Variants in GRIN3A observed in about 807,000 individuals in gnomAD.
The protein encoded by GRIN3A is glutamate ionotropic receptor NMDA type subunit 3A.
A neutral mutation model predicts 92.4 loss-of-function variants in GRIN3A; 47 were observed. That is an observed-to-expected ratio of 0.51 (90% confidence interval 0.40 to 0.65). GRIN3A has a LOEUF of 0.65. GRIN3A is among the 30% of genes least tolerant of loss of function. The probability of loss-of-function intolerance (pLI) is 0.00; values close to 1 mark genes in which losing one functional copy is unlikely to be tolerated. For missense variants in GRIN3A, 1,324 were observed against 1,393.1 expected (o/e 0.95, Z 0.79); for synonymous variants, 527 against 540.6 (o/e 0.97, Z 0.35).
chr9:101,581,435 GGGT>G (rs1827885543), intron 6 of GRIN3A, among the ~76,000 whole-genome samples: 1 of 152,116 alleles, frequency 6.6e-6, no homozygotes, highest in Non-Finnish European at 1.5e-5. Flanking sequence ...TAAACTCCAA[GGGT>G]TGGTATTAAG....
At chr9:101,705,893 A>C (rs992113418) in intron 1 of GRIN3A, among the ~76,000 whole-genome samples, 6 of 152,212 alleles carry the variant, frequency 3.9e-5, no homozygotes, top group Non-Finnish European at 8.8e-5. Flanking sequence ...AGAGGAAGAA[A>C]CTAAAACCAC....
intron 1 of GRIN3A, among the ~76,000 whole-genome samples, chr9:101,712,129 C>G (rs886344119): frequency 1.3e-5 from 2 of 152,140 alleles, no homozygotes; most frequent in Non-Finnish European, 2.9e-5. Context: ...AATTTAAATT[C>G]ACGATATCAT....
intron 2 of GRIN3A, among the ~76,000 whole-genome samples, chr9:101,672,829 A>G (rs1829346655): frequency 6.6e-6 from 1 of 152,146 alleles, no homozygotes; most frequent in Non-Finnish European, 1.5e-5. Context: ...CTATTTTGCA[A>G]CAAGTAATGA....
intron 1 of GRIN3A, among the ~76,000 whole-genome samples, chr9:101,735,630 C>T (rs1830192863): frequency 6.6e-6 from 1 of 151,878 alleles, no homozygotes; most frequent in Non-Finnish European, 1.5e-5. Context: ...CTATTGGCCA[C>T]TTACGAAGTA....
chr9:101,643,696 C>CACAG (rs1554719555), intron 3 of GRIN3A, among the ~76,000 whole-genome samples: 44 of 151,282 alleles, frequency 2.9e-4, no homozygotes, highest in African/African-American at 9.9e-4. Context: ...CACACACACA[C>CACAG]CCACACGAAT....
intron 1 of GRIN3A, among the ~76,000 whole-genome samples, chr9:101,699,300 G>A (rs1333370471): frequency 1.3e-5 from 2 of 152,078 alleles, no homozygotes; most frequent in African/African-American, 2.4e-5. Flanking sequence ...GCATGGGGCT[G>A]TCATTGCCCA....
chr9:101,695,729 G>T lies in GRIN3A; in HGVS notation c.700-8529C>A, dbSNP rs10119079. ...CATTAGCAAACTTCTTTGTGCTGAC[G>T]TAATTGATCCTTTCCCAATGACTCG... On this transcript the variant is annotated intron_variant, in intron 1 of 8. Transcript: ENST00000361820. Among the ~76,000 whole-genome samples, 1,355 of 152,132 alleles carry T rather than the reference G, an allele frequency of 8.9e-3. 22 individuals carry two copies. Among genetic ancestry groups the T allele is most frequent in the African/African-American group, 0.031 (1,289 of 41,502 alleles).
chr9:101,658,548 G>A (rs1829121555), intron 3 of GRIN3A, among the ~76,000 whole-genome samples: 2 of 151,570 alleles, frequency 1.3e-5, no homozygotes, highest in East Asian at 1.9e-4. Flanking sequence ...ATAATTTAAG[G>A]AAACATTGAT....
At chr9:101,656,801 A>G (rs1789565499) in intron 3 of GRIN3A, among the ~76,000 whole-genome samples, 1 of 151,906 alleles carries the variant, frequency 6.6e-6, no homozygotes, top group African/African-American at 2.4e-5. Context: ...AGACAAGGAA[A>G]AAGTCAGTGC....
intron 6 of GRIN3A, among the ~76,000 whole-genome samples, chr9:101,580,304 T>A (rs1588234929): frequency 6.6e-6 from 1 of 152,166 alleles, no homozygotes; most frequent in Non-Finnish European, 1.5e-5. Flanking sequence ...CCTGGCCAAA[T>A]TTATGAAGCT....
At chr9:101,693,346 G>A (rs901994085) in intron 1 of GRIN3A, among the ~76,000 whole-genome samples, 2 of 151,562 alleles carry the variant, frequency 1.3e-5, no homozygotes, top group African/African-American at 4.9e-5. Flanking sequence ...CTTGAGTCTG[G>A]AGGCAGAGGT....
intron 5 of GRIN3A, among the ~76,000 whole-genome samples, chr9:101,617,587 A>G (rs1295709102): frequency 3.3e-5 from 5 of 151,984 alleles, no homozygotes; most frequent in Non-Finnish European, 7.4e-5. Flanking sequence ...AAATACATGT[A>G]TTGAATATTG....
intron 2 of GRIN3A, among the ~76,000 whole-genome samples, chr9:101,684,492 T>G (rs1829506040): frequency 6.6e-6 from 1 of 152,090 alleles, no homozygotes; most frequent in African/African-American, 2.4e-5. Context: ...GCGTCTCCAC[T>G]TAACAGAATT....
At chr9:101,678,435 G>A (rs1464559895) in intron 2 of GRIN3A, among the ~76,000 whole-genome samples, 1 of 152,044 alleles carries the variant, frequency 6.6e-6, no homozygotes, top group East Asian at 1.9e-4. Flanking sequence ...AGAACAGAAG[G>A]CCCTGCACGC....
intron 1 of GRIN3A, among the ~76,000 whole-genome samples, chr9:101,712,106 C>T (rs923046620): frequency 6.6e-6 from 1 of 152,170 alleles, no homozygotes; most frequent in Non-Finnish European, 1.5e-5. Flanking sequence ...CAATGAATGG[C>T]AACTGCTTGG....
chr9:101,597,085 C>T (rs1364572182), intron 6 of GRIN3A, among the ~76,000 whole-genome samples: 1 of 152,212 alleles, frequency 6.6e-6, no homozygotes, highest in Non-Finnish European at 1.5e-5. Flanking sequence ...TATGGTAAAG[C>T]AATTCTTCCA....
Position 101,738,219 on chromosome 9 carries a change from G to A in GRIN3A, c.-240C>T, listed in dbSNP as rs1293843618. The stretch of plus-strand genomic sequence containing the variant: ...CATCCTCTGCCCGCCCGGTCACTGC[G>A]CTGAGCAGGCAGGCGGGCGGGCCGG... On this transcript the variant is annotated 5_prime_UTR_variant, in exon 1 of 9. Coordinates refer to ENST00000361820, the MANE Select transcript of GRIN3A (RefSeq NM_133445.3). 7.1e-6 allele frequency: 4 copies of A among 565,444 alleles called. No individual in the cohort carries two copies. Among genetic ancestry groups the A allele is most frequent in the African/African-American group, 1.9e-5 (1 of 51,438 alleles). The allele number at this position is 565,444 out of a possible 1,614,324, so 35.0% of individuals were successfully genotyped here.
intron 6 of GRIN3A, among the ~76,000 whole-genome samples, chr9:101,580,808 A>C (rs762028266): frequency 6.6e-6 from 1 of 152,222 alleles, no homozygotes; most frequent in African/African-American, 2.4e-5. Flanking sequence ...CTTTCAGTCC[A>C]TTTCTGTTCA....
At chr9:101,672,396 A>G (rs1829339487) in intron 2 of GRIN3A, among the ~76,000 whole-genome samples, 1 of 152,132 alleles carries the variant, frequency 6.6e-6, no homozygotes, top group African/African-American at 2.4e-5. Context: ...TTTTAATACA[A>G]TTTTAAAAGT....
Sources: gnomAD v4.1 joint callset for allele counts (sites outside exome capture counted in the v4.1 genomes callset) on GRCh38, gnomAD v4.1.1 for gene constraint, MANE v1.5 for transcripts, NCBI Gene and HGNC (gene_info 2026-07-23, HGNC 2026-07-21) for gene names.